Variants in TENM4 observed in about 807,000 individuals in gnomAD.
TENM4 encodes the protein teneurin-4.
Under a neutral mutation model 243.3 loss-of-function variants are expected in TENM4, and 82 were observed. The ratio of observed to expected loss-of-function variants is 0.34; its 90% CI spans 0.28 to 0.40. The LOEUF is 0.40. Among genes scored for constraint, TENM4 ranks in the 10% least tolerant of loss-of-function variants. The pLI, the probability that TENM4 is intolerant of heterozygous loss-of-function variation, is 1.00. For missense variants in TENM4, 3,138 were observed against 3,673.3 expected (o/e 0.85, Z 3.77); for synonymous variants, 1,412 against 1,456.3 (o/e 0.97, Z 0.69).
intron 19 of TENM4, chr11:78,756,560 T>G: frequency 2.0e-6 from 1 of 493,030 alleles, no homozygotes; most frequent in East Asian, 3.8e-5. Context: ...TTTCTCACTG[T>G]CTTCATCTGT....
intron 3 of TENM4, among the ~76,000 whole-genome samples, chr11:79,202,323 C>T (rs1863755201): frequency 6.6e-6 from 1 of 152,182 alleles, no homozygotes; most frequent in Admixed American, 6.5e-5. Flanking sequence ...GTGCCTTTCT[C>T]ATCCAGAGGC....
At chr11:79,131,405 A>G (rs1165676956) in intron 4 of TENM4, among the ~76,000 whole-genome samples, 1 of 152,206 alleles carries the variant, frequency 6.6e-6, no homozygotes, top group Non-Finnish European at 1.5e-5. Flanking sequence ...ATTATCAGCC[A>G]AGAATTTTGT....
At chr11:79,411,714 T>G (rs987248971) in intron 1 of TENM4, among the ~76,000 whole-genome samples, 1 of 152,202 alleles carries the variant, frequency 6.6e-6, no homozygotes. Context: ...TTTGGTTTCC[T>G]CTATCTCATC....
At chr11:79,066,584 ATGCACACAAGCACACACGCGCG>A (rs1591256097) in intron 5 of TENM4, among the ~76,000 whole-genome samples, 1 of 151,992 alleles carries the variant, frequency 6.6e-6, no homozygotes, top group Admixed American at 6.6e-5. Context: ...GCACACACAC[ATGCACACAAGCACACACGCGCG>A]TGCACACACA....
chr11:78,975,190 T>TGGGGGGGG (rs1554985109), intron 6 of TENM4, among the ~76,000 whole-genome samples: 1 of 23,488 alleles, frequency 4.3e-5, no homozygotes, highest in African/African-American at 1.5e-4. Context: ...GTAGGGTGGG[T>TGGGGGGGG]GGGGCGACAA....
intron 3 of TENM4, among the ~76,000 whole-genome samples, chr11:79,150,051 G>A (rs558032793): frequency 6.6e-6 from 1 of 152,224 alleles, no homozygotes; most frequent in Non-Finnish European, 1.5e-5. Context: ...ACACCAGTTG[G>A]TGCAGTGATT....
chr11:79,278,678 G>A (rs1029348953), intron 2 of TENM4, among the ~76,000 whole-genome samples: 2 of 152,132 alleles, frequency 1.3e-5, no homozygotes, highest in African/African-American at 2.4e-5. Flanking sequence ...ACCTTTCCTG[G>A]ACCATTTCTC....
rs1855507156 is a variant in TENM4, at chr11:78,726,199, A to C, written c.3430T>G (p.Ser1144Ala). The change falls in exon 23 of 34, where the codon TCC (serine) becomes GCC (alanine). Residue 1144 changes from serine (S) to alanine (A), a missense_variant. Transcript: ENST00000278550. ...AFVSVGYEYE[S>A]CPDLILWEKR... ...TCCCACAGGATTAGATCTGGGCAGG[A>C]TTCATATTCATAACCCACGGAAACT... 6.2e-7 allele frequency: 1 copy of C among 1,613,802 alleles called. No individual in the cohort carries two copies. Among genetic ancestry groups the C allele is most frequent in the Non-Finnish European group, 8.5e-7 (1 of 1,179,880 alleles).
intron 4 of TENM4, among the ~76,000 whole-genome samples, chr11:79,104,066 A>G (rs1030899099): frequency 6.6e-6 from 1 of 152,092 alleles, no homozygotes; most frequent in Non-Finnish European, 1.5e-5. Flanking sequence ...ATTTTTCTCA[A>G]TTAAATGCCC....
At chr11:78,788,533 G>T (rs769950514) in intron 15 of TENM4, among the ~76,000 whole-genome samples, 2 of 152,080 alleles carry the variant, frequency 1.3e-5, no homozygotes, top group Non-Finnish European at 2.9e-5. Context: ...GAGAGTTCCT[G>T]GTCCTGTCAG....
intron 1 of TENM4, among the ~76,000 whole-genome samples, chr11:79,380,481 T>C (rs1482765093): frequency 6.6e-6 from 1 of 152,216 alleles, no homozygotes; most frequent in Non-Finnish European, 1.5e-5. Context: ...ACAGGCTGAT[T>C]GATCTATTTC....
Position 78,989,921 on chromosome 11 carries a change from G to A in TENM4, c.493+74817C>T, listed in dbSNP as rs1053675838. 3.3e-5 allele frequency among the ~76,000 whole-genome samples: 5 copies of A among 151,998 alleles called. No individual in the cohort carries two copies. In the East Asian group the frequency reaches 5.8e-4, roughly 18 times the overall value. ...GAAAAAAAAATACAAAAAATTAGCC[G>A]AGTGTGGTGGCATATAATTGTAGTC... is the stretch of plus-strand genomic sequence containing the variant. On this transcript the variant is annotated intron_variant, in intron 6 of 33. Transcript: ENST00000278550.
chr11:78,858,742 A>G (rs1858741120), intron 10 of TENM4, among the ~76,000 whole-genome samples: 1 of 152,212 alleles, frequency 6.6e-6, no homozygotes, highest in Admixed American at 6.5e-5. Flanking sequence ...GAGAGGCTAG[A>G]GGCAATTGGA....
At chr11:78,701,241 A>G (rs1859094134) in intron 28 of TENM4, among the ~76,000 whole-genome samples, 1 of 152,144 alleles carries the variant, frequency 6.6e-6, no homozygotes, top group South Asian at 2.1e-4. Flanking sequence ...GCAGGTATCC[A>G]CTGTATCCAT....
chr11:78,781,581 C>T (rs1014820534), intron 16 of TENM4, among the ~76,000 whole-genome samples: 7 of 152,256 alleles, frequency 4.6e-5, no homozygotes, highest in South Asian at 4.2e-4. Context: ...AAAAGTTTCT[C>T]TTGGGATAAT....
At chr11:79,068,641 G>A (rs1860330268) in intron 5 of TENM4, among the ~76,000 whole-genome samples, 1 of 152,162 alleles carries the variant, frequency 6.6e-6, no homozygotes, top group African/African-American at 2.4e-5. Context: ...TCTGTGAAGG[G>A]GGAGAAGGGC....
intron 6 of TENM4, among the ~76,000 whole-genome samples, chr11:79,024,306 C>T (rs1859017301): frequency 6.6e-6 from 1 of 152,172 alleles, no homozygotes; most frequent in Admixed American, 6.5e-5. Context: ...CCATTCCAGC[C>T]TCCCTAGACT....
chr11:78,900,473 C>T (rs977252440), intron 7 of TENM4, among the ~76,000 whole-genome samples: 2 of 152,022 alleles, frequency 1.3e-5, no homozygotes, highest in East Asian at 1.9e-4. Context: ...TCCTTTGGGG[C>T]GAGTAGGAGC....
chr11:79,327,806 A>G (rs1856998755), intron 1 of TENM4, among the ~76,000 whole-genome samples: 1 of 152,172 alleles, frequency 6.6e-6, no homozygotes, highest in Non-Finnish European at 1.5e-5. Context: ...GTGTCCTGAA[A>G]GAGGCAACTC....
Sources: allele counts gnomAD v4.1 joint callset (sites outside exome capture counted in the v4.1 genomes callset), GRCh38; gene constraint gnomAD v4.1.1; transcripts MANE v1.5; gene names NCBI Gene and HGNC (gene_info 2026-07-23, HGNC 2026-07-21).